DPY19L1: variants seen among roughly 807,000 people sequenced by gnomAD.
DPY19L1 encodes the protein dpy-19 like C-mannosyltransferase 1, also known as protein C-mannosyl-transferase DPY19L1.
Under a neutral mutation model 96.9 loss-of-function variants are expected in DPY19L1, and 35 were observed. The observed-to-expected ratio is 0.36, with a 90% confidence interval of 0.28 to 0.48. DPY19L1 has a LOEUF of 0.48. Ranked by LOEUF, DPY19L1 falls within the 20% of genes least tolerant of loss-of-function variation. The pLI, the probability that DPY19L1 is intolerant of heterozygous loss-of-function variation, is 0.99. For synonymous variants in DPY19L1, 205 were observed against 252.6 expected (o/e 0.81, Z 1.79); for missense variants, 521 against 777.9 (o/e 0.67, Z 3.93).
At position 35,030,126 on chromosome 7, in the gene DPY19L1, A is replaced by AT. The variant is rs1365177655; in HGVS notation, c.298+6970dup. The stretch of plus-strand genomic sequence containing the variant: ...TTTAAACTTAGCGGAAAACAATTAC[A>AT]TAAGAACTTTATGATTAATATGAAA... On this transcript the variant is annotated intron_variant, in intron 1 of 21. Transcript: ENST00000638088. Among the ~76,000 whole-genome samples the AT allele has an allele frequency of 2.0e-5, 3 of 152,378 alleles. No individual in the cohort carries two copies. In the East Asian group the frequency reaches 5.8e-4, roughly 29 times the overall value.
At chr7:35,032,345 T>G (rs1376535657) in intron 1 of DPY19L1, among the ~76,000 whole-genome samples, 1 of 152,124 alleles carries the variant, frequency 6.6e-6, no homozygotes, top group Non-Finnish European at 1.5e-5. Flanking sequence ...CTTAATATCT[T>G]TGTGCCTCAG....
At chr7:34,990,019 A>G in intron 6 of DPY19L1, 78 bp from the exon 7 acceptor site, 1 of 1,118,882 alleles carries the variant, frequency 8.9e-7, no homozygotes, top group Non-Finnish European at 1.3e-6. Flanking sequence ...ACATAATATC[A>G]TAACCACTGG....
At chr7:35,029,845 A>C (rs1323258902) in intron 1 of DPY19L1, among the ~76,000 whole-genome samples, 1 of 152,152 alleles carries the variant, frequency 6.6e-6, no homozygotes, top group Non-Finnish European at 1.5e-5. Flanking sequence ...GATGCCTTAG[A>C]CTTTAGATCT....
chr7:35,008,576 C>A (rs1463489803), intron 6 of DPY19L1, among the ~76,000 whole-genome samples: 1 of 152,178 alleles, frequency 6.6e-6, no homozygotes, highest in Admixed American at 6.5e-5. Context: ...ACTTGTAGTT[C>A]CAGCTACTTG....
At chr7:34,984,392 G>A (rs1038370067) in intron 7 of DPY19L1, among the ~76,000 whole-genome samples, 1 of 152,126 alleles carries the variant, frequency 6.6e-6, no homozygotes, top group Non-Finnish European at 1.5e-5. Context: ...GGAAGGAAAA[G>A]GAATAGTCCT....
chr7:34,942,510 G>A (rs1235063033), intron 17 of DPY19L1, 105 bp downstream of exon 17: 2 of 872,696 alleles, frequency 2.3e-6, no homozygotes, highest in African/African-American at 1.7e-5. Flanking sequence ...TTTTCAAGAT[G>A]ATTGCTGACA....
At chr7:34,978,255 C>T (rs1784869479) in intron 7 of DPY19L1, among the ~76,000 whole-genome samples, 1 of 152,038 alleles carries the variant, frequency 6.6e-6, no homozygotes, top group South Asian at 2.1e-4. Context: ...CTAGAGTTGC[C>T]ATTTGCTGGA....
intron 16 of DPY19L1, among the ~76,000 whole-genome samples, chr7:34,944,380 A>AG (rs1562801041): frequency 1.3e-5 from 2 of 150,516 alleles, no homozygotes; most frequent in African/African-American, 4.9e-5. Context: ...AAAAAAAAAA[A>AG]AAAAGAAAAA....
At chr7:34,934,466 C>T (rs1271465298) in intron 21 of DPY19L1, among the ~76,000 whole-genome samples, 3 of 152,172 alleles carry the variant, frequency 2.0e-5, no homozygotes, top group Non-Finnish European at 4.4e-5. Flanking sequence ...TCTTTACAGA[C>T]AGATACTTTA....
At chr7:34,952,436 C>T (rs1784287340) in intron 13 of DPY19L1, among the ~76,000 whole-genome samples, 1 of 152,118 alleles carries the variant, frequency 6.6e-6, no homozygotes, top group African/African-American at 2.4e-5. Flanking sequence ...GCCATGAGGG[C>T]TTCACTGTTA....
At chr7:34,939,027 T>C (rs1783934038) in intron 20 of DPY19L1, 1 of 361,972 alleles carries the variant, frequency 2.8e-6, no homozygotes, top group South Asian at 7.7e-5. Context: ...GGGAAAGTGC[T>C]ATAGTATGAC....
chr7:34,933,733 A>G (rs965191726), intron 21 of DPY19L1, among the ~76,000 whole-genome samples: 5 of 152,078 alleles, frequency 3.3e-5, no homozygotes, highest in Non-Finnish European at 5.9e-5. Context: ...TGAACATCAG[A>G]CTCCAAGTTC....
At chr7:34,935,084 T>C (rs1365326862) in intron 21 of DPY19L1, among the ~76,000 whole-genome samples, 2 of 152,220 alleles carry the variant, frequency 1.3e-5, no homozygotes, top group East Asian at 3.8e-4. Context: ...CCTATGATCA[T>C]ATGGCTGGGC....
chr7:34,997,609 CAAAAAAA>C (rs3048611), intron 6 of DPY19L1, among the ~76,000 whole-genome samples: 23,017 of 75,678 alleles, frequency 0.3, 1,996 homozygotes, highest in Admixed American at 0.48. Flanking sequence ...GACTCCGTCT[CAAAAAAA>C]AAAAAAAAAA....
At chr7:34,966,452 C>T (rs1315290001) in intron 10 of DPY19L1, among the ~76,000 whole-genome samples, 6 of 151,960 alleles carry the variant, frequency 3.9e-5, no homozygotes, top group Non-Finnish European at 8.8e-5. Context: ...CATGCATCAC[C>T]ATGCTAAAAT....
At chr7:35,034,841 T>C (rs576815784) in intron 1 of DPY19L1, among the ~76,000 whole-genome samples, 3 of 152,330 alleles carry the variant, frequency 2.0e-5, no homozygotes, top group Admixed American at 2.0e-4. Flanking sequence ...AACAAAAGAA[T>C]ATGCAATGCA....
At position 35,037,311 on chromosome 7, in the gene DPY19L1, C is replaced by A. The variant is rs970568435; in HGVS notation, c.84G>T (p.Arg28Ser). The stretch of plus-strand genomic sequence containing the variant: ...CCCCGGCGCCGACGTCCGACGCCCC[C>A]CTCAGCGGCGACTGTGAGGCGCGGG... ...QPPRASQSPL[R>S]GASDVGAGEP... The change falls in exon 1 of 22, where the codon AGG (arginine) becomes AGT (serine). Residue 28 changes from arginine (R) to serine (S), a missense_variant. Transcript: ENST00000638088. The A allele has an allele frequency of 2.8e-6, 1 of 351,218 alleles. No homozygotes were observed. Among genetic ancestry groups the A allele is most frequent in the Non-Finnish European group, 5.1e-6 (1 of 195,862 alleles). The allele number at this position is 351,218 out of a possible 1,614,324, so 21.8% of individuals were successfully genotyped here. A position where few individuals can be genotyped will look rare whatever the true frequency, so the allele number is the denominator to read the frequency against.
intron 3 of DPY19L1, among the ~76,000 whole-genome samples, chr7:35,016,145 G>T (rs771745851): frequency 1.6e-4 from 25 of 152,144 alleles, no homozygotes; most frequent in Non-Finnish European, 3.1e-4. Context: ...ATGAGCATCT[G>T]CCACTGACAG....
chr7:35,013,676 A>C lies in DPY19L1; in HGVS notation c.441T>G (p.Ile147Met), dbSNP rs781536285. 1 of 1,604,234 alleles carries C rather than the reference A, an allele frequency of 6.2e-7. No individual in the cohort carries two copies. The highest frequency in any genetic ancestry group is 1.7e-5 in the Admixed American group (1 of 59,390). ...CATTCAAAAATGAGGGTGCTTCCACAATAGTCTTGAAATAGGAATAATATA... is the reference window on the plus strand; with the variant it reads ...CATTCAAAAATGAGGGTGCTTCCACCATAGTCTTGAAATAGGAATAATATA... ...MGLYYSYFKT[I>M]VEAPSFLNGV... The change falls in exon 4 of 22, where the codon ATT becomes ATG. Residue 147 changes from isoleucine (I) to methionine (M), a missense_variant. Transcript: ENST00000638088.
Sources: gnomAD v4.1 joint callset for allele counts (sites outside exome capture counted in the v4.1 genomes callset) on GRCh38, gnomAD v4.1.1 for gene constraint, MANE v1.5 for transcripts, NCBI Gene and HGNC (gene_info 2026-07-23, HGNC 2026-07-21) for gene names.